ZDHHC14: variants seen among roughly 807,000 people sequenced by gnomAD.
The protein encoded by ZDHHC14 is zDHHC palmitoyltransferase 14, also known as palmitoyltransferase ZDHHC14.
ZDHHC14 carries 16 observed loss-of-function variants against 47.7 expected under a neutral mutation model. The ratio of observed to expected loss-of-function variants is 0.34; its 90% CI spans 0.23 to 0.51. The LOEUF (loss-of-function observed/expected upper bound fraction) is 0.51, where lower values mean the gene tolerates loss of function less well. ZDHHC14 is among the 20% of genes least tolerant of loss of function. ZDHHC14 has a pLI of 0.97. For synonymous variants in ZDHHC14, 293 were observed against 278.9 expected (o/e 1.05, Z -0.50); for missense variants, 515 against 662.5 (o/e 0.78, Z 2.44).
At chr6:157,556,265 G>C (rs1172444850) in intron 2 of ZDHHC14, among the ~76,000 whole-genome samples, 1 of 149,370 alleles carries the variant, frequency 6.7e-6, no homozygotes, top group African/African-American at 2.5e-5. Context: ...GGGGTGGAGG[G>C]TGGGAAGGGG....
chr6:157,630,775 AC>A (rs1242769433), intron 4 of ZDHHC14: 1 of 150,944 alleles, frequency 6.6e-6, no homozygotes, highest in African/African-American at 2.5e-5. Flanking sequence ...ACCCTTACAC[AC>A]CCACACACAT....
At chr6:157,549,459 C>T (rs1170651419) in intron 2 of ZDHHC14, among the ~76,000 whole-genome samples, 4 of 152,272 alleles carry the variant, frequency 2.6e-5, no homozygotes, top group South Asian at 4.1e-4. Flanking sequence ...GGAGTCCCAT[C>T]GTGCCGGACA....
chr6:157,635,628 C>T (rs1250786869), intron 5 of ZDHHC14, among the ~76,000 whole-genome samples: 9 of 152,196 alleles, frequency 5.9e-5, no homozygotes, highest in Admixed American at 5.9e-4. Context: ...CTGCCAGAAC[C>T]TTCTTTGAGA....
intron 8 of ZDHHC14, among the ~76,000 whole-genome samples, chr6:157,659,645 G>A (rs150831627): frequency 6.1e-4 from 93 of 152,240 alleles, no homozygotes; most frequent in South Asian, 5.6e-3. Flanking sequence ...AAGCCCTAAC[G>A]GTTTTCCGGT....
chr6:157,444,506 T>C (rs2365870), intron 1 of ZDHHC14, among the ~76,000 whole-genome samples: 125,700 of 151,956 alleles, frequency 0.83, 52,120 homozygotes, highest in East Asian at 0.97. Context: ...GGTGAAACCC[T>C]ATCTCTACTA....
At chr6:157,670,563 G>A (rs1286666819) in intron 8 of ZDHHC14, among the ~76,000 whole-genome samples, 1 of 152,176 alleles carries the variant, frequency 6.6e-6, no homozygotes, top group Non-Finnish European at 1.5e-5. Context: ...CCAAAGTGCT[G>A]GGATTATAGG....
intron 2 of ZDHHC14, among the ~76,000 whole-genome samples, chr6:157,557,456 A>G (rs1049775589): frequency 6.6e-6 from 1 of 152,176 alleles, no homozygotes; most frequent in African/African-American, 2.4e-5. Flanking sequence ...CCTATAATAT[A>G]TATGGATTTT....
rs995765994 is a variant in ZDHHC14, at chr6:157,550,019, C to T, written c.406+7274C>T. Reference sequence around the variant, plus strand: ...CTTGTAGCTCCTGTCTCCTGGTGGACGTCCTTCACAGAATTGTCTTCTTGG... The same window carrying T: ...CTTGTAGCTCCTGTCTCCTGGTGGATGTCCTTCACAGAATTGTCTTCTTGG... On this transcript the variant is annotated intron_variant, in intron 2 of 8. Coordinates refer to ENST00000359775, the MANE Select transcript of ZDHHC14 (RefSeq NM_024630.3). Among the ~76,000 whole-genome samples the T allele has an allele frequency of 2.0e-5, 3 of 152,200 alleles. No homozygotes were observed. In the South Asian group the frequency reaches 6.2e-4, roughly 31 times the overall value.
chr6:157,622,042 A>G (rs1053626670), intron 3 of ZDHHC14, among the ~76,000 whole-genome samples: 123 of 152,146 alleles, frequency 8.1e-4, no homozygotes, highest in African/African-American at 2.8e-3. Context: ...CTTCCAGCAG[A>G]TACTCAGTAA....
At chr6:157,504,068 A>G (rs1403880691) in intron 1 of ZDHHC14, among the ~76,000 whole-genome samples, 2 of 152,246 alleles carry the variant, frequency 1.3e-5, no homozygotes, top group Non-Finnish European at 2.9e-5. Flanking sequence ...AACTGGAAAC[A>G]ATATAAATGT....
chr6:157,621,256 AT>A (rs1226638898), intron 3 of ZDHHC14, among the ~76,000 whole-genome samples: 13 of 152,170 alleles, frequency 8.5e-5, no homozygotes, highest in African/African-American at 3.1e-4. Flanking sequence ...GCCAGATACA[AT>A]ATGTACCACT....
chr6:157,516,501 GAGTGTAAATCTATGAA>G, intron 1 of ZDHHC14, among the ~76,000 whole-genome samples: 2 of 152,320 alleles, frequency 1.3e-5, no homozygotes, highest in Middle Eastern at 3.4e-3. Context: ...TTCCCTGTCA[GAGTGTAAATCTATGAA>G]AGTGTCTCCT....
rs1040040234 is a variant in ZDHHC14, at chr6:157,674,261, C to G, written c.*1139C>G. ...AAGGTTCTGTCGGGCGTCTTCTGGG[C>G]TTCCTTCTGTGTTAACGTGTCACTC... is the stretch of plus-strand genomic sequence containing the variant. On this transcript the variant is annotated 3_prime_UTR_variant, in exon 9 of 9. Transcript: ENST00000359775. The G allele has an allele frequency of 1.3e-5, 2 of 152,184 alleles. No homozygotes were observed. The highest frequency in any genetic ancestry group is 6.5e-5 in the Admixed American group (1 of 15,278). 9.4% of individuals were successfully genotyped at this position (152,184 alleles called of 1,614,324 possible). A position where few individuals can be genotyped will look rare whatever the true frequency, so the allele number is the denominator to read the frequency against.
At chr6:157,657,240 G>C (rs1466463417) in intron 8 of ZDHHC14, among the ~76,000 whole-genome samples, 1 of 152,064 alleles carries the variant, frequency 6.6e-6, no homozygotes, top group Non-Finnish European at 1.5e-5. Context: ...TGTAGAGACA[G>C]TTTTGCCATG....
intron 2 of ZDHHC14, among the ~76,000 whole-genome samples, chr6:157,554,373 T>C (rs1458211686): frequency 6.6e-6 from 1 of 152,252 alleles, no homozygotes; most frequent in Non-Finnish European, 1.5e-5. Flanking sequence ...CGGCACGAGT[T>C]CTAGCAGTGA....
At position 157,440,162 on chromosome 6, in the gene ZDHHC14, TTAATAA is replaced by T. The variant is rs199803371; in HGVS notation, c.245+57921_245+57926del. On this transcript the variant is annotated intron_variant, in intron 1 of 8. Coordinates refer to ENST00000359775, the MANE Select transcript of ZDHHC14 (RefSeq NM_024630.3). ...CATCCTGCACAGGTACCCTGGAACT[TTAATAA>T]TAATAATAATAATAATAATAATAAA... 3.0e-4 allele frequency among the ~76,000 whole-genome samples: 44 copies of T among 147,990 alleles called. 1 individual carries two copies. The East Asian group carries it at 3.2e-3, about 11-fold the overall frequency.
intron 1 of ZDHHC14, among the ~76,000 whole-genome samples, chr6:157,414,978 T>C (rs1777945563): frequency 6.6e-6 from 1 of 152,162 alleles, no homozygotes; most frequent in African/African-American, 2.4e-5. Context: ...TTTGTCTCTA[T>C]AGTTACAACT....
intron 3 of ZDHHC14, among the ~76,000 whole-genome samples, chr6:157,626,657 C>T (rs191653844): frequency 5.9e-5 from 9 of 152,198 alleles, no homozygotes; most frequent in East Asian, 1.9e-4. Context: ...GATTGATGAA[C>T]GTGCATTGAT....
intron 1 of ZDHHC14, among the ~76,000 whole-genome samples, chr6:157,443,107 G>T (rs901267211): frequency 1.3e-5 from 2 of 152,126 alleles, no homozygotes; most frequent in African/African-American, 4.8e-5. Context: ...GATCATGGGG[G>T]CAGTTTCCCC....
Sources: gnomAD v4.1 joint callset for allele counts (sites outside exome capture counted in the v4.1 genomes callset) on GRCh38, gnomAD v4.1.1 for gene constraint, MANE v1.5 for transcripts, NCBI Gene and HGNC (gene_info 2026-07-23, HGNC 2026-07-21) for gene names.